Variants in AUTS2 observed in about 807,000 individuals in gnomAD.
AUTS2 encodes the protein autism susceptibility gene 2 protein.
In AUTS2, 17 loss-of-function variants were observed where a neutral mutation model predicts 112.4. The observed-to-expected ratio is 0.15, with a 90% CI of 0.10 to 0.23. The LOEUF is 0.23. AUTS2 is among the 10% of genes least tolerant of loss of function. AUTS2 has a pLI of 1.00. For missense variants in AUTS2, 1,510 were observed against 1,701.6 expected, an observed-to-expected ratio of 0.89 and a Z score of 1.98; for synonymous variants, 751 against 702.7, an observed-to-expected ratio of 1.07 and a Z score of -1.09.
At position 70,658,699 on chromosome 7, in the gene AUTS2, A is replaced by G. The variant is rs546052816; in HGVS notation, c.691-39870A>G. 3.9e-5 allele frequency among the ~76,000 whole-genome samples: 6 copies of G among 152,318 alleles called. No individual in the cohort carries two copies. In the South Asian group the frequency reaches 6.2e-4, roughly 16 times the overall value. On this transcript the variant is annotated intron_variant, in intron 5 of 18. Transcript: ENST00000342771. ...GCCCAGTGTCTTGGAAACTTTCTCT[A>G]CAGTTTAGTACGGATAAACCACATG...
intron 2 of AUTS2, among the ~76,000 whole-genome samples, chr7:70,077,750 G>T (rs556622010): frequency 1.3e-5 from 2 of 152,276 alleles, no homozygotes; most frequent in East Asian, 1.9e-4. Context: ...AAGAGTGGAA[G>T]CCATCAGGCT....
At position 70,346,697 on chromosome 7, in the gene AUTS2, C is replaced by A. The variant is rs148244077; in HGVS notation, c.661-89055C>A. ...GGTTGACAACATCCTCATGACAAAC[C>A]CTTCACCTACCACATCATCTTATTT... On this transcript the variant is annotated intron_variant, in intron 4 of 18. Coordinates refer to ENST00000342771, the MANE Select transcript of AUTS2 (RefSeq NM_015570.4). 3.0e-4 allele frequency among the ~76,000 whole-genome samples: 45 copies of A among 152,200 alleles called. No individual in the cohort carries two copies. In the Middle Eastern group the frequency reaches 0.014, roughly 46 times the overall value.
chr7:70,024,309 C>T (rs1409408515), intron 2 of AUTS2, among the ~76,000 whole-genome samples: 1 of 152,126 alleles, frequency 6.6e-6, no homozygotes, highest in African/African-American at 2.4e-5. Flanking sequence ...GGCAGATTGA[C>T]ACAAGTATTT....
intron 1 of AUTS2, among the ~76,000 whole-genome samples, chr7:69,686,628 T>A (rs1797078882): frequency 1.3e-5 from 2 of 152,216 alleles, no homozygotes; most frequent in Admixed American, 6.5e-5. Flanking sequence ...TACAAAATTG[T>A]CTTGACATAA....
intron 2 of AUTS2, among the ~76,000 whole-genome samples, chr7:69,938,790 G>T (rs939658568): frequency 2.2e-4 from 34 of 152,286 alleles, no homozygotes; most frequent in African/African-American, 8.2e-4. Context: ...TAAGAAACAA[G>T]ATCAATTATA....
intron 2 of AUTS2, among the ~76,000 whole-genome samples, chr7:70,078,803 AT>A (rs1803162368): frequency 6.6e-6 from 1 of 152,228 alleles, no homozygotes; most frequent in Non-Finnish European, 1.5e-5. Flanking sequence ...AGACTTTGGT[AT>A]TGAAGAATTT....
At chr7:70,461,963 G>A (rs561309621) in intron 5 of AUTS2, among the ~76,000 whole-genome samples, 3 of 152,236 alleles carry the variant, frequency 2.0e-5, no homozygotes, top group East Asian at 1.9e-4. Context: ...TTTTTAAAGC[G>A]GAAAGGGGCC....
At chr7:69,994,803 A>G (rs1323464152) in intron 2 of AUTS2, among the ~76,000 whole-genome samples, 2 of 152,226 alleles carry the variant, frequency 1.3e-5, no homozygotes, top group African/African-American at 2.4e-5. Flanking sequence ...AGAATTAACA[A>G]TAAATGCCAC....
intron 1 of AUTS2, among the ~76,000 whole-genome samples, chr7:69,715,080 C>T (rs1341203184): frequency 1.3e-5 from 2 of 151,978 alleles, no homozygotes; most frequent in Non-Finnish European, 2.9e-5. Context: ...CTCACCTTTG[C>T]AGCCAAGTTT....
At chr7:69,940,375 A>T (rs1315553979) in intron 2 of AUTS2, among the ~76,000 whole-genome samples, 1 of 152,184 alleles carries the variant, frequency 6.6e-6, no homozygotes, top group Non-Finnish European at 1.5e-5. Context: ...ATGAAGGATG[A>T]GTAGGTGCTC....
In AUTS2 at chr7:70,173,080, C is replaced by T. The variant is rs577046640; in HGVS notation, c.660+38509C>T. On this transcript the variant is annotated intron_variant, in intron 4 of 18. Coordinates refer to ENST00000342771, the MANE Select transcript of AUTS2 (RefSeq NM_015570.4). ...TTCTTTTAAAATGTAGAGTCTCTTA[C>T]CACTGGGAGTTTGGGGAACTTCGCA... Among the ~76,000 whole-genome samples, 56 of 152,164 alleles carry T rather than the reference C, an allele frequency of 3.7e-4. No homozygotes were observed. In the South Asian group the frequency reaches 5.6e-3, roughly 15 times the overall value.
chr7:70,278,117 A>G (rs1021926658), intron 4 of AUTS2, among the ~76,000 whole-genome samples: 1 of 152,132 alleles, frequency 6.6e-6, no homozygotes, highest in African/African-American at 2.4e-5. Flanking sequence ...TGTGCACATT[A>G]CAGACGTTTG....
intron 1 of AUTS2, among the ~76,000 whole-genome samples, chr7:69,882,198 G>A (rs534915012): frequency 1.1e-3 from 158 of 149,814 alleles, no homozygotes; most frequent in African/African-American, 3.7e-3. Flanking sequence ...TAGGCTGGGC[G>A]TGCTGGCTCA....
chr7:69,954,341 G>A (rs1251413649), intron 2 of AUTS2, among the ~76,000 whole-genome samples: 1 of 152,090 alleles, frequency 6.6e-6, no homozygotes, highest in Non-Finnish European at 1.5e-5. Flanking sequence ...GAGTGCAGTG[G>A]TGCTATCATA....
At chr7:70,740,899 G>A (rs926840257) in intron 6 of AUTS2, among the ~76,000 whole-genome samples, 26 of 151,950 alleles carry the variant, frequency 1.7e-4, no homozygotes, top group Non-Finnish European at 3.2e-4. Context: ...TTTGAGACCC[G>A]CCTGGGCAAC....
chr7:69,750,771 G>A (rs1408877837), intron 1 of AUTS2, among the ~76,000 whole-genome samples: 1 of 152,102 alleles, frequency 6.6e-6, no homozygotes, highest in East Asian at 1.9e-4. Flanking sequence ...CATGACAAAG[G>A]TTGGTGGTCT....
At chr7:70,325,130 G>A (rs1277789461) in intron 4 of AUTS2, among the ~76,000 whole-genome samples, 2 of 152,068 alleles carry the variant, frequency 1.3e-5, no homozygotes, top group Non-Finnish European at 2.9e-5. Flanking sequence ...GAAGGAGTGA[G>A]GTTTCTTGTC....
chr7:70,444,367 T>A lies in AUTS2; in HGVS notation c.690+8586T>A, dbSNP rs375024953. On this transcript the variant is annotated intron_variant, in intron 5 of 18. Transcript: ENST00000342771. Reference sequence around the variant, plus strand: ...ACGTGTGTGTGTGTGTGTGTGTGTGTGTGTGTGAGAGAGAGAGAGAGAGAG... The same window carrying A: ...ACGTGTGTGTGTGTGTGTGTGTGTGAGTGTGTGAGAGAGAGAGAGAGAGAG... 7.5e-3 allele frequency among the ~76,000 whole-genome samples: 1,041 copies of A among 138,748 alleles called. 7 individuals are homozygous for A. Among genetic ancestry groups the A allele is most frequent in the Middle Eastern group, 0.028 (7 of 246 alleles). 91.0% of individuals were successfully genotyped at this position (138,748 alleles called of 152,430 possible).
rs180735221 is a variant in AUTS2 at position 70,153,504 on chromosome 7, G to C, written c.660+18933G>C. Reference sequence around the variant, plus strand: ...GGTATGTTCATTATCATGACTGTCAGGATGGCTCCACAGATATATTTATAG... The same window carrying C: ...GGTATGTTCATTATCATGACTGTCACGATGGCTCCACAGATATATTTATAG... On this transcript the variant is annotated intron_variant, in intron 4 of 18. Coordinates refer to ENST00000342771, the MANE Select transcript of AUTS2 (RefSeq NM_015570.4). Among the ~76,000 whole-genome samples the C allele has an allele frequency of 7.9e-5, 12 of 152,148 alleles. No individual in the cohort carries two copies. In the East Asian group the frequency reaches 1.4e-3, roughly 17 times the overall value.
Sources: allele counts gnomAD v4.1 joint callset (sites outside exome capture counted in the v4.1 genomes callset), GRCh38; gene constraint gnomAD v4.1.1; transcripts MANE v1.5; gene names NCBI Gene and HGNC (gene_info 2026-07-23, HGNC 2026-07-21).